Variants in MEGF11 observed in about 807,000 individuals in gnomAD.
The protein encoded by MEGF11 is multiple epidermal growth factor-like domains protein 11.
Under a neutral mutation model 146.6 loss-of-function variants are expected in MEGF11, and 126 were observed. That is an observed-to-expected ratio of 0.86 (90% CI 0.74 to 1.00). The LOEUF (loss-of-function observed/expected upper bound fraction) is 1.00. Ranked by LOEUF, MEGF11 falls within the 50% of genes least tolerant of loss-of-function variation. MEGF11 has a pLI of 0.00. For missense variants in MEGF11, 1,509 were observed against 1,521.2 expected (o/e 0.99, Z 0.13); for synonymous variants, 532 against 583.4 (o/e 0.91, Z 1.27).
chr15:66,177,424 T>C (rs2090414665), intron 1 of MEGF11, among the ~76,000 whole-genome samples: 1 of 152,204 alleles, frequency 6.6e-6, no homozygotes, highest in African/African-American at 2.4e-5. Flanking sequence ...TTTTACATCA[T>C]GTATTCAGCA....
At chr15:65,988,532 G>A (rs2081940031) in intron 5 of MEGF11, among the ~76,000 whole-genome samples, 1 of 152,156 alleles carries the variant, frequency 6.6e-6, no homozygotes, top group Non-Finnish European at 1.5e-5. Flanking sequence ...ACACTGAGTT[G>A]TTCCACCTTT....
intron 5 of MEGF11, among the ~76,000 whole-genome samples, chr15:66,020,861 A>G (rs931968961): frequency 5.9e-5 from 9 of 152,064 alleles, no homozygotes; most frequent in Non-Finnish European, 1.2e-4. Context: ...GTGAGGTGGT[A>G]GGCGCCTGTA....
rs143425439 is a variant in MEGF11 at position 66,050,680 on chromosome 15, T to C, written c.394+43722A>G. Among the ~76,000 whole-genome samples the C allele has an allele frequency of 7.2e-4, 109 of 152,306 alleles. 1 individual carries two copies. The highest frequency in any genetic ancestry group is 2.5e-3 in the African/African-American group (105 of 41,546). The stretch of plus-strand genomic sequence containing the variant: ...CTCTGACAGCTGCATGGAGAGTAGC[T>C]ATTGGGATTAGAGAATAGATGGAGA... On this transcript the variant is annotated intron_variant, in intron 5 of 25. Transcript: ENST00000395614.
intron 5 of MEGF11, among the ~76,000 whole-genome samples, chr15:66,025,080 C>T (rs28639591): frequency 0.018 from 2,726 of 152,244 alleles, 75 homozygotes; most frequent in African/African-American, 0.06. Context: ...AGATGAATTC[C>T]GGCCAGGTCT....
At chr15:66,229,057 T>C (rs779035453) in intron 1 of MEGF11, among the ~76,000 whole-genome samples, 1 of 152,152 alleles carries the variant, frequency 6.6e-6, no homozygotes, top group Non-Finnish European at 1.5e-5. Context: ...CTCCCCTTTG[T>C]AAACAGTCCC....
intron 1 of MEGF11, among the ~76,000 whole-genome samples, chr15:66,226,823 G>A (rs541128935): frequency 6.6e-6 from 1 of 151,934 alleles, no homozygotes; most frequent in Admixed American, 6.5e-5. Context: ...ACAAACACAC[G>A]TGTGTTCACA....
At chr15:66,182,267 T>G (rs531642463) in intron 1 of MEGF11, among the ~76,000 whole-genome samples, 1 of 152,254 alleles carries the variant, frequency 6.6e-6, no homozygotes, top group Admixed American at 6.5e-5. Context: ...CTGAAGGAAG[T>G]AACTTTTCCT....
intron 1 of MEGF11, among the ~76,000 whole-genome samples, chr15:66,158,926 G>A (rs1010377005): frequency 2.0e-5 from 3 of 152,176 alleles, no homozygotes; most frequent in East Asian, 1.9e-4. Context: ...GTCTTTAGAC[G>A]AGCTGAAATT....
At chr15:66,083,363 T>G (rs1248790022) in intron 5 of MEGF11, among the ~76,000 whole-genome samples, 1 of 152,246 alleles carries the variant, frequency 6.6e-6, no homozygotes, top group Non-Finnish European at 1.5e-5. Flanking sequence ...TGGTAAAAAC[T>G]TTAAACTTTG....
chr15:66,122,238 T>C (rs1002642677), intron 3 of MEGF11, among the ~76,000 whole-genome samples: 1 of 147,622 alleles, frequency 6.8e-6, no homozygotes, highest in Non-Finnish European at 1.5e-5. Flanking sequence ...CACTCCAGCC[T>C]GGGCAACAGA....
intron 1 of MEGF11, among the ~76,000 whole-genome samples, chr15:66,183,989 A>G (rs2090625390): frequency 6.6e-6 from 1 of 152,214 alleles, no homozygotes; most frequent in Non-Finnish European, 1.5e-5. Flanking sequence ...ACATATTCAT[A>G]AACTATGCTT....
chr15:66,194,022 T>C lies in MEGF11; in HGVS notation c.-9+59583A>G, dbSNP rs376531836. 1.1e-3 allele frequency among the ~76,000 whole-genome samples: 172 copies of C among 152,176 alleles called. 1 individual carries two copies. The highest frequency in any genetic ancestry group is 4.0e-3 in the African/African-American group (166 of 41,510). On this transcript the variant is annotated intron_variant, in intron 1 of 25. Coordinates refer to ENST00000395614, the MANE Select transcript of MEGF11 (RefSeq NM_001385028.1). ...ACGTATCTATCCAGAGGAAAAGAAG[T>C]CATTATACAAAAAAAGATACTTGCA...
intron 4 of MEGF11, among the ~76,000 whole-genome samples, chr15:66,104,741 C>T (rs1411644484): frequency 6.6e-6 from 1 of 152,204 alleles, no homozygotes; most frequent in African/African-American, 2.4e-5. Flanking sequence ...ATTCACACAG[C>T]AAGATGATGG....
intron 5 of MEGF11, among the ~76,000 whole-genome samples, chr15:66,023,615 G>C (rs2083233332): frequency 6.6e-6 from 1 of 152,230 alleles, no homozygotes; most frequent in African/African-American, 2.4e-5. Flanking sequence ...TTGCAAAAAG[G>C]CTCCTCTGTC....
At chr15:66,096,576 G>A (rs1168961833) in intron 4 of MEGF11, among the ~76,000 whole-genome samples, 3 of 152,206 alleles carry the variant, frequency 2.0e-5, no homozygotes, top group African/African-American at 7.2e-5. Context: ...TCAGGGGCTG[G>A]CGGTGGGGCC....
chr15:66,125,725 C>T (rs1293773911), intron 2 of MEGF11, among the ~76,000 whole-genome samples: 2 of 152,224 alleles, frequency 1.3e-5, no homozygotes, highest in Non-Finnish European at 2.9e-5. Context: ...GATTCACTTC[C>T]CGTGCTAGGC....
intron 1 of MEGF11, among the ~76,000 whole-genome samples, chr15:66,183,543 A>AG (rs1184338468): frequency 7.4e-6 from 1 of 135,798 alleles, no homozygotes; most frequent in African/African-American, 2.5e-5. Context: ...GCCAAAAAGA[A>AG]AAAAAAAAAA....
intron 3 of MEGF11, among the ~76,000 whole-genome samples, chr15:66,123,470 C>T (rs1306829088): frequency 6.6e-6 from 1 of 152,066 alleles, no homozygotes; most frequent in South Asian, 2.1e-4. Flanking sequence ...CTAGGAAGTA[C>T]CGGTAGGAGG....
At chr15:66,234,039 G>T (rs1404748617) in intron 1 of MEGF11, among the ~76,000 whole-genome samples, 2 of 146,100 alleles carry the variant, frequency 1.4e-5, no homozygotes, top group Non-Finnish European at 3.0e-5. Flanking sequence ...GGGTTCAAGC[G>T]ATTCTCCTGC....
Sources: gnomAD v4.1 joint callset for allele counts (sites outside exome capture counted in the v4.1 genomes callset) on GRCh38, gnomAD v4.1.1 for gene constraint, MANE v1.5 for transcripts, NCBI Gene and HGNC (gene_info 2026-07-23, HGNC 2026-07-21) for gene names.